The following ADAM22 variants were observed in gnomAD, a reference collection of about 807,000 sequenced individuals.
The protein encoded by ADAM22 is disintegrin and metalloproteinase domain-containing protein 22.
Under a neutral mutation model 144.6 loss-of-function variants are expected in ADAM22, and 65 were observed. The observed-to-expected ratio is 0.45, with a 90% CI of 0.37 to 0.55. ADAM22 has a LOEUF of 0.55. Ranked by LOEUF, ADAM22 falls within the 20% of genes least tolerant of loss-of-function variation. ADAM22 has a pLI of 0.00. For synonymous variants in ADAM22, 391 were observed against 412.6 expected (o/e 0.95, Z 0.63); for missense variants, 974 against 1,184.9 (o/e 0.82, Z 2.61).
rs749059196 is a variant in ADAM22 at position 88,149,035 on chromosome 7, C to T, written c.1544C>T (p.Thr515Met). 11 of 1,611,800 alleles carry T rather than the reference C, an allele frequency of 6.8e-6. No individual in the cohort carries two copies. Among genetic ancestry groups the T allele is most frequent in the South Asian group, 4.4e-5 (4 of 90,952 alleles). Residue 515 changes from threonine (T) to methionine (M), a missense_variant, in exon 18 of 32, where the codon ACG (threonine) becomes ATG (methionine). Coordinates refer to ENST00000413139, the MANE Select transcript of ADAM22 (RefSeq NM_001324418.2). ...EAVNDCDIRE[T>M]CSGNSSQCAP... ...GTAAATGATTGTGATATTCGTGAAACGTGCTCAGGAAATTCAAGCCAGGTA... is the reference window on the plus strand; with the variant it reads ...GTAAATGATTGTGATATTCGTGAAATGTGCTCAGGAAATTCAAGCCAGGTA...
At chr7:88,046,186 G>A (rs2373486) in intron 3 of ADAM22, among the ~76,000 whole-genome samples, 60,519 of 151,988 alleles carry the variant, frequency 0.4, 13,355 homozygotes, top group East Asian at 0.59. Flanking sequence ...CCCATCAACA[G>A]TGTGTGAGAG....
intron 3 of ADAM22, among the ~76,000 whole-genome samples, chr7:88,056,921 G>A (rs1325822859): frequency 6.6e-6 from 1 of 152,048 alleles, no homozygotes; most frequent in Non-Finnish European, 1.5e-5. Context: ...ATTTATTTAA[G>A]CCAGTTTTAG....
rs182217581 is a variant in ADAM22, at chr7:87,946,196, A to G, written c.246+11010A>G. Among the ~76,000 whole-genome samples the G allele has an allele frequency of 4.6e-5, 7 of 152,034 alleles. No homozygotes were observed. In the East Asian group the frequency reaches 1.2e-3, roughly 25 times the overall value. On this transcript the variant is annotated intron_variant, in intron 2 of 31. Transcript: ENST00000413139. ...GTATGTCTGCTTTTGAGGAGTGTCT[A>G]TGTCTTTTGCCTATGTTTTATTGGG...
rs1400014796 is a variant in ADAM22 at position 88,131,708 on chromosome 7, A to G, written c.992+273A>G. 7 of 432,116 alleles carry G rather than the reference A, an allele frequency of 1.6e-5. No individual in the cohort carries two copies. The South Asian group carries it at 3.4e-4, about 21-fold the overall frequency. The allele number at this position is 432,116 out of a possible 1,614,324, so 26.8% of individuals were successfully genotyped here. ...GAGTAAAAATACTGCTAATACTCATATATAGTATTCTTAACTACAGATAAA... is the reference window on the plus strand; with the variant it reads ...GAGTAAAAATACTGCTAATACTCATGTATAGTATTCTTAACTACAGATAAA... On this transcript the variant is annotated intron_variant, in intron 11 of 31. Coordinates refer to ENST00000413139, the MANE Select transcript of ADAM22 (RefSeq NM_001324418.2).
intron 2 of ADAM22, among the ~76,000 whole-genome samples, chr7:87,973,123 G>A (rs1167112885): frequency 6.6e-6 from 1 of 152,152 alleles, no homozygotes; most frequent in East Asian, 1.9e-4. Context: ...CTTCTGCACA[G>A]CAAAAGAAAC....
intron 3 of ADAM22, among the ~76,000 whole-genome samples, chr7:88,011,380 A>AT (rs1246847308): frequency 2.0e-5 from 3 of 152,084 alleles, no homozygotes. Context: ...CTCTACTAAA[A>AT]ATACAAAAAA....
In ADAM22 at chr7:88,099,519, A is replaced by G. The variant is rs1214381254; in HGVS notation, c.391-8657A>G. On this transcript the variant is annotated intron_variant, in intron 4 of 31. Coordinates refer to ENST00000413139, the MANE Select transcript of ADAM22 (RefSeq NM_001324418.2). ...TTTGCTTTGAAGGGAGATTGTCTCCATCTTCCAAAGCTGTTCCCTATGCAA... is the reference window on the plus strand; with the variant it reads ...TTTGCTTTGAAGGGAGATTGTCTCCGTCTTCCAAAGCTGTTCCCTATGCAA... Among the ~76,000 whole-genome samples the G allele has an allele frequency of 3.3e-5, 5 of 152,200 alleles. No individual in the cohort carries two copies. In the East Asian group the frequency reaches 9.6e-4, roughly 29 times the overall value.
chr7:88,007,384 A>G (rs1056690819), intron 3 of ADAM22, among the ~76,000 whole-genome samples: 1 of 152,212 alleles, frequency 6.6e-6, no homozygotes, highest in Admixed American at 6.5e-5. Context: ...TCTTCACAGA[A>G]TTGGAAAAAA....
intron 2 of ADAM22, among the ~76,000 whole-genome samples, chr7:87,949,841 A>C (rs185943194): frequency 1.9e-3 from 278 of 149,836 alleles, no homozygotes; most frequent in African/African-American, 6.7e-3. Context: ...ATATAAATTT[A>C]TATGTAAATA....
At chr7:88,040,299 T>A (rs1802795400) in intron 3 of ADAM22, among the ~76,000 whole-genome samples, 1 of 151,952 alleles carries the variant, frequency 6.6e-6, no homozygotes, top group African/African-American at 2.4e-5. Flanking sequence ...ACCCAGCTAC[T>A]TTTTGCATTT....
intron 2 of ADAM22, among the ~76,000 whole-genome samples, chr7:87,944,556 A>G (rs28376469): frequency 0.43 from 65,972 of 151,908 alleles, 14,798 homozygotes; most frequent in Middle Eastern, 0.52. Flanking sequence ...AGTAGGCTGG[A>G]GAGGGAGCGA....
intron 23 of ADAM22, among the ~76,000 whole-genome samples, chr7:88,165,201 G>C (rs1002135098): frequency 6.6e-6 from 1 of 151,970 alleles, no homozygotes. Context: ...AATGAAGAGA[G>C]ATTATTTTCC....
chr7:88,129,471 CTAA>C (rs549631500), intron 9 of ADAM22, among the ~76,000 whole-genome samples: 14 of 151,896 alleles, frequency 9.2e-5, no homozygotes, highest in Admixed American at 6.6e-4. Flanking sequence ...ATTACAGTTG[CTAA>C]TAATAATAAT....
At position 87,978,806 on chromosome 7, in the gene ADAM22, C is replaced by T. The variant is rs1217527488; in HGVS notation, c.323+394C>T. On this transcript the variant is annotated intron_variant, in intron 3 of 31. Coordinates refer to ENST00000413139, the MANE Select transcript of ADAM22 (RefSeq NM_001324418.2). The stretch of plus-strand genomic sequence containing the variant: ...GATTAATGATTCAGAGGACTGGCTG[C>T]ATGATATGTGATGTTAAATAGTACC... Among the ~76,000 whole-genome samples, 3 of 152,258 alleles carry T rather than the reference C, an allele frequency of 2.0e-5. No individual in the cohort carries two copies. In the East Asian group the frequency reaches 5.8e-4, roughly 29 times the overall value.
At chr7:88,087,705 G>A (rs1011083728) in intron 4 of ADAM22, among the ~76,000 whole-genome samples, 1 of 152,114 alleles carries the variant, frequency 6.6e-6, no homozygotes, top group Non-Finnish European at 1.5e-5. Flanking sequence ...TATTTGATCT[G>A]ATATGATTAT....
At chr7:88,076,500 C>G (rs1251577717) in intron 4 of ADAM22, among the ~76,000 whole-genome samples, 1 of 152,062 alleles carries the variant, frequency 6.6e-6, no homozygotes, top group East Asian at 1.9e-4. Flanking sequence ...AGATTCCCAG[C>G]CCTGCCGCCC....
chr7:88,171,279 T>TA (rs1844248440), intron 25 of ADAM22, among the ~76,000 whole-genome samples: 1 of 151,948 alleles, frequency 6.6e-6, no homozygotes, highest in Non-Finnish European at 1.5e-5. Context: ...AGAAAACAAT[T>TA]ACTCTTTAAT....
chr7:88,129,416 A>G (rs1382796055), intron 9 of ADAM22, among the ~76,000 whole-genome samples: 1 of 152,018 alleles, frequency 6.6e-6, no homozygotes, highest in Non-Finnish European at 1.5e-5. Context: ...GGAAAAAATG[A>G]TCATTTATTT....
At position 87,934,267 on chromosome 7, in the gene ADAM22, C is replaced by T; in HGVS notation, c.-199C>T. 1 of 514,948 alleles carries T rather than the reference C, an allele frequency of 1.9e-6. No homozygotes were observed. Among genetic ancestry groups the T allele is most frequent in the Non-Finnish European group, 3.4e-6 (1 of 297,988 alleles). The allele number at this position is 514,948 out of a possible 1,614,324, so 31.9% of individuals were successfully genotyped here. ...CAATGCAGCACTCGCTCGCTCCCCC[C>T]GCCAGCGGAAGCGTCCGCGAAGCAC... is the stretch of plus-strand genomic sequence containing the variant. On this transcript the variant is annotated 5_prime_UTR_variant, in exon 1 of 32. Coordinates refer to ENST00000413139, the MANE Select transcript of ADAM22 (RefSeq NM_001324418.2).
Sources: allele counts gnomAD v4.1 joint callset (sites outside exome capture counted in the v4.1 genomes callset), GRCh38; gene constraint gnomAD v4.1.1; transcripts MANE v1.5; gene names NCBI Gene and HGNC (gene_info 2026-07-23, HGNC 2026-07-21).